The following PPP2R2B variants were observed in gnomAD, a reference collection of about 807,000 sequenced individuals.
PPP2R2B encodes serine/threonine-protein phosphatase 2A 55 kDa regulatory subunit B beta isoform.
A neutral mutation model predicts 46.0 loss-of-function variants in PPP2R2B; 5 were observed. The ratio of observed to expected loss-of-function variants is 0.11; its 90% CI spans 0.06 to 0.23. The LOEUF is 0.23. PPP2R2B is among the 10% of genes least tolerant of loss of function. PPP2R2B has a pLI of 1.00. For synonymous variants in PPP2R2B, 215 were observed against 206.7 expected (o/e 1.04, Z -0.34); for missense variants, 367 against 575.0 (o/e 0.64, Z 3.70).
At chr5:147,079,403 T>C (rs552741003) in intron 2 of PPP2R2B, among the ~76,000 whole-genome samples, 4 of 142,924 alleles carry the variant, frequency 2.8e-5, no homozygotes, top group African/African-American at 1.0e-4. Context: ...ATATATAATA[T>C]ATATAATATA....
rs1478382302 is a variant in PPP2R2B, at chr5:146,588,463, T to TC, written c.*1483dup. 9 of 152,150 alleles carry TC rather than the reference T, an allele frequency of 5.9e-5. No individual in the cohort carries two copies. The highest frequency in any genetic ancestry group is 1.2e-4 in the Non-Finnish European group (8 of 68,036). 9.4% of individuals were successfully genotyped at this position (152,150 alleles called of 1,614,324 possible). ...GAAAATTTCCCTTTCATTGAAAAAC[T>TC]CTCATCTCAAACCATTTACCCTGCA... On this transcript the variant is annotated 3_prime_UTR_variant, in exon 10 of 10. Transcript: ENST00000394411.
intron 1 of PPP2R2B, among the ~76,000 whole-genome samples, chr5:146,929,881 A>G (rs1257162588): frequency 3.3e-5 from 5 of 152,298 alleles, no homozygotes; most frequent in African/African-American, 1.2e-4. Flanking sequence ...GTTAGAATTA[A>G]GATAATATAA....
chr5:146,963,182 T>A (rs1303635541), intron 1 of PPP2R2B, among the ~76,000 whole-genome samples: 1 of 152,192 alleles, frequency 6.6e-6, no homozygotes, highest in Non-Finnish European at 1.5e-5. Flanking sequence ...TCTGTGGTGG[T>A]TATAACCTGG....
At chr5:146,961,323 A>C (rs1752163356) in intron 1 of PPP2R2B, among the ~76,000 whole-genome samples, 1 of 152,248 alleles carries the variant, frequency 6.6e-6, no homozygotes, top group Non-Finnish European at 1.5e-5. Context: ...AATAAAATTC[A>C]AGAAGTTGAA....
At chr5:147,028,312 T>A (rs1250444171) in intron 1 of PPP2R2B, among the ~76,000 whole-genome samples, 1 of 152,184 alleles carries the variant, frequency 6.6e-6, no homozygotes, top group Non-Finnish European at 1.5e-5. Flanking sequence ...CTATGCTTTT[T>A]AAATTGAAGA....
intron 7 of PPP2R2B, among the ~76,000 whole-genome samples, chr5:146,632,061 GC>G (rs58956274): frequency 0.076 from 7,905 of 103,818 alleles, 634 homozygotes; most frequent in African/African-American, 0.24. Context: ...GCTGAGTTGT[GC>G]CCCCCCCCCC....
chr5:146,964,102 C>G (rs1752300986), intron 1 of PPP2R2B, among the ~76,000 whole-genome samples: 2 of 152,198 alleles, frequency 1.3e-5, no homozygotes, highest in South Asian at 2.1e-4. Context: ...GTCCATTGCT[C>G]AGTGAAGCCA....
intron 2 of PPP2R2B, among the ~76,000 whole-genome samples, chr5:146,748,927 G>A (rs1390167992): frequency 2.0e-5 from 3 of 151,958 alleles, no homozygotes; most frequent in Admixed American, 2.0e-4. Flanking sequence ...GCAATTCTTG[G>A]GTCATATGGT....
At chr5:146,836,962 T>C (rs1759323624) in intron 2 of PPP2R2B, among the ~76,000 whole-genome samples, 1 of 152,222 alleles carries the variant, frequency 6.6e-6, no homozygotes, top group Non-Finnish European at 1.5e-5. Flanking sequence ...CAAATATGTA[T>C]TGAACACTTG....
intron 1 of PPP2R2B, among the ~76,000 whole-genome samples, chr5:146,916,850 T>A (rs934141239): frequency 4.6e-5 from 7 of 152,224 alleles, no homozygotes; most frequent in African/African-American, 1.7e-4. Context: ...TTGCATATCA[T>A]GGCAGCCACT....
At chr5:146,688,891 C>T (rs910420676) in intron 5 of PPP2R2B, among the ~76,000 whole-genome samples, 4 of 152,058 alleles carry the variant, frequency 2.6e-5, no homozygotes, top group East Asian at 1.9e-4. Flanking sequence ...ATAAACTCTA[C>T]GTGGCACTTA....
At chr5:147,011,420 A>T (rs1754727767) in intron 1 of PPP2R2B, among the ~76,000 whole-genome samples, 1 of 152,180 alleles carries the variant, frequency 6.6e-6, no homozygotes, top group Non-Finnish European at 1.5e-5. Context: ...TAAACTATAT[A>T]TAACTATACA....
chr5:146,828,482 A>G (rs767571164), intron 2 of PPP2R2B, among the ~76,000 whole-genome samples: 13 of 152,132 alleles, frequency 8.5e-5, no homozygotes, highest in Non-Finnish European at 1.6e-4. Context: ...TTTCTTTGTA[A>G]TGAGTTTTTA....
chr5:146,786,629 TA>T (rs1342296745), intron 2 of PPP2R2B, among the ~76,000 whole-genome samples: 1 of 152,230 alleles, frequency 6.6e-6, no homozygotes, highest in Non-Finnish European at 1.5e-5. Context: ...TGTTTGTGTA[TA>T]AACCCTTTTA....
intron 8 of PPP2R2B, among the ~76,000 whole-genome samples, chr5:146,595,490 A>G (rs1337784615): frequency 1.3e-5 from 2 of 152,234 alleles, no homozygotes; most frequent in Non-Finnish European, 2.9e-5. Flanking sequence ...CAGGAATGAC[A>G]TTGCTGAGAA....
At chr5:146,928,303 C>T (rs1393921794) in intron 1 of PPP2R2B, among the ~76,000 whole-genome samples, 6 of 151,728 alleles carry the variant, frequency 4.0e-5, no homozygotes, top group East Asian at 3.9e-4. Flanking sequence ...AGATCTCTCC[C>T]CCAAACTCCA....
intron 3 of PPP2R2B, 74 bp downstream of exon 3, chr5:146,700,971 A>G: frequency 5.3e-6 from 7 of 1,328,798 alleles, no homozygotes; most frequent in Non-Finnish European, 7.6e-6. Flanking sequence ...GGCGACACAT[A>G]AGGATTAAGG....
chr5:146,776,316 T>A (rs2151276370), intron 2 of PPP2R2B, among the ~76,000 whole-genome samples: 1 of 152,150 alleles, frequency 6.6e-6, no homozygotes, highest in East Asian at 1.9e-4. Context: ...TATATAACAA[T>A]ATAGAATTGA....
chr5:146,979,883 C>A (rs11167950), intron 1 of PPP2R2B, among the ~76,000 whole-genome samples: 2 of 151,892 alleles, frequency 1.3e-5, no homozygotes, highest in African/African-American at 4.8e-5. Context: ...TTTCTCATTG[C>A]AATTGACCAC....
Sources: gnomAD v4.1 joint callset for allele counts (sites outside exome capture counted in the v4.1 genomes callset) on GRCh38, gnomAD v4.1.1 for gene constraint, MANE v1.5 for transcripts, NCBI Gene and HGNC (gene_info 2026-07-23, HGNC 2026-07-21) for gene names.